The following CRCP variants were observed in gnomAD, a reference collection of about 807,000 sequenced individuals.
CRCP encodes CGRP receptor component.
CRCP carries 18 observed loss-of-function variants against 18.5 expected under a neutral mutation model. That is an observed-to-expected ratio of 0.97 (90% CI 0.67 to 1.44). CRCP has a LOEUF of 1.44. Among genes scored for constraint, CRCP ranks in the 40% most tolerant of loss-of-function variants. CRCP has a pLI of 0.00. For synonymous variants in CRCP, 53 were observed against 62.9 expected (o/e 0.84, Z 0.75); for missense variants, 130 against 176.4 (o/e 0.74, Z 1.49).
intron 4 of CRCP, among the ~76,000 whole-genome samples, chr7:66,140,678 A>G (rs1788110510): frequency 6.6e-6 from 1 of 152,200 alleles, no homozygotes; most frequent in East Asian, 1.9e-4. Context: ...GGCATGAGTC[A>G]CTGCGCCCGG....
chr7:66,125,904 T>C (rs957503750), intron 1 of CRCP, among the ~76,000 whole-genome samples: 4 of 149,358 alleles, frequency 2.7e-5, no homozygotes, highest in African/African-American at 9.7e-5. Flanking sequence ...TATAACTCAA[T>C]TTCAAGCAAA....
At chr7:66,133,269 G>A (rs549987347) in intron 3 of CRCP, among the ~76,000 whole-genome samples, 2 of 152,200 alleles carry the variant, frequency 1.3e-5, no homozygotes, top group East Asian at 3.9e-4. Flanking sequence ...ACTTTCGGAG[G>A]CCGAGGCGGG....
chr7:66,119,052 C>T (rs1316136024), intron 1 of CRCP, among the ~76,000 whole-genome samples: 1 of 151,802 alleles, frequency 6.6e-6, no homozygotes, highest in Non-Finnish European at 1.5e-5. Flanking sequence ...AGAGGGGGTC[C>T]TGCCCCTTAC....
At chr7:66,133,272 G>A (rs928276792) in intron 3 of CRCP, among the ~76,000 whole-genome samples, 3 of 152,064 alleles carry the variant, frequency 2.0e-5, no homozygotes, top group East Asian at 1.9e-4. Context: ...TTCGGAGGCC[G>A]AGGCGGGTGG....
At chr7:66,147,796 C>T (rs753692240) in intron 5 of CRCP, among the ~76,000 whole-genome samples, 5 of 152,180 alleles carry the variant, frequency 3.3e-5, no homozygotes, top group East Asian at 3.9e-4. Flanking sequence ...TGGTGGCTTG[C>T]GCCTGTGATC....
chr7:66,148,116 C>T (rs1296299095), intron 5 of CRCP, among the ~76,000 whole-genome samples: 19 of 150,428 alleles, frequency 1.3e-4, no homozygotes, highest in Admixed American at 1.2e-3. Flanking sequence ...AATCCCAGTA[C>T]TTTAAGAGAC....
chr7:66,132,906 G>A (rs1787852270), intron 3 of CRCP, among the ~76,000 whole-genome samples: 1 of 151,748 alleles, frequency 6.6e-6, no homozygotes, highest in Non-Finnish European at 1.5e-5. Context: ...GCAAGACTCT[G>A]TCTCAAATAA....
intron 4 of CRCP, among the ~76,000 whole-genome samples, chr7:66,143,303 G>A (rs536563920): frequency 3.3e-5 from 5 of 152,308 alleles, no homozygotes; most frequent in African/African-American, 1.2e-4. Flanking sequence ...ACCAGCCAGA[G>A]CATGCCCCTC....
At chr7:66,120,427 T>A (rs1265016655) in intron 1 of CRCP, 2 of 152,102 alleles carry the variant, frequency 1.3e-5, no homozygotes, top group Non-Finnish European at 2.9e-5. Flanking sequence ...TGACTTCCTG[T>A]AACCAATCAA....
At chr7:66,115,033 T>TGAGAGCC in intron 1 of CRCP, 63 bp downstream of exon 1, 2 of 1,579,998 alleles carry the variant, frequency 1.3e-6, no homozygotes, top group East Asian at 2.3e-5. Context: ...CGCTGAGAGC[T>TGAGAGCC]GAGAGCCGAG....
At chr7:66,130,962 A>T in intron 3 of CRCP, 120 bp downstream of exon 3, 1 of 652,056 alleles carries the variant, frequency 1.5e-6, no homozygotes, top group Non-Finnish European at 2.8e-6. Context: ...GTTTTATTCT[A>T]ACCTGATTTT....
chr7:66,150,886 A>C (rs540581593), intron 5 of CRCP: 55 of 152,342 alleles, frequency 3.6e-4, no homozygotes, highest in African/African-American at 1.3e-3. Context: ...GCTTTTAAAA[A>C]GGCAGCTGAC....
chr7:66,152,388 A>C lies in CRCP; in HGVS notation c.*31A>C. 1 of 1,611,594 alleles carries C rather than the reference A, an allele frequency of 6.2e-7. No individual in the cohort carries two copies. The highest frequency in any genetic ancestry group is 8.5e-7 in the Non-Finnish European group (1 of 1,178,816). On this transcript the variant is annotated 3_prime_UTR_variant, in exon 6 of 6. Coordinates refer to ENST00000395326, the MANE Select transcript of CRCP (RefSeq NM_014478.5). ...CACAGCTGGCCCCGGCGTTTCATGA[A>C]GTCAGAAGGCCTGGCAGCCATTTCC...
At chr7:66,125,167 G>A (rs1291781187) in intron 1 of CRCP, among the ~76,000 whole-genome samples, 1 of 149,184 alleles carries the variant, frequency 6.7e-6, no homozygotes, top group Non-Finnish European at 1.5e-5. Flanking sequence ...ATTGCTCTGA[G>A]GGATGTGTCT....
At chr7:66,118,167 G>A (rs536431101) in intron 1 of CRCP, among the ~76,000 whole-genome samples, 5 of 151,920 alleles carry the variant, frequency 3.3e-5, no homozygotes, top group Admixed American at 2.6e-4. Flanking sequence ...TAGTAGAGAC[G>A]GGGTTTCCAT....
At chr7:66,118,162 G>C (rs1291222104) in intron 1 of CRCP, among the ~76,000 whole-genome samples, 1 of 152,166 alleles carries the variant, frequency 6.6e-6, no homozygotes, top group Non-Finnish European at 1.5e-5. Flanking sequence ...ATTTTTAGTA[G>C]AGACGGGGTT....
intron 4 of CRCP, among the ~76,000 whole-genome samples, chr7:66,135,886 G>T (rs2451953): frequency 6.6e-6 from 1 of 151,692 alleles, no homozygotes. Context: ...GCGCCCTTGC[G>T]CTCCAGCCTG....
At chr7:66,149,886 A>G (rs1264078528) in intron 5 of CRCP, among the ~76,000 whole-genome samples, 1 of 151,964 alleles carries the variant, frequency 6.6e-6, no homozygotes, top group Admixed American at 6.6e-5. Flanking sequence ...GGCTTACTAC[A>G]ACCTCTGCCT....
chr7:66,125,927 C>T (rs1223677936), intron 1 of CRCP, among the ~76,000 whole-genome samples: 2 of 149,136 alleles, frequency 1.3e-5, no homozygotes, highest in Non-Finnish European at 3.0e-5. Flanking sequence ...TAGGAGGAAG[C>T]CAGTGGGCAG....
Sources: gnomAD v4.1 joint callset for allele counts (sites outside exome capture counted in the v4.1 genomes callset) on GRCh38, gnomAD v4.1.1 for gene constraint, MANE v1.5 for transcripts, NCBI Gene and HGNC (gene_info 2026-07-23, HGNC 2026-07-21) for gene names.